The following MARS1 variants were observed in gnomAD, a reference collection of about 807,000 sequenced individuals.
The protein encoded by MARS1 is methionyl-tRNA synthetase 1.
In MARS1, 80 loss-of-function variants were observed where a neutral mutation model predicts 119.5. The observed-to-expected ratio is 0.67, with a 90% CI of 0.56 to 0.81. The LOEUF (loss-of-function observed/expected upper bound fraction) is 0.81. Among genes scored for constraint, MARS1 ranks in the 30% least tolerant of loss-of-function variants. The probability of loss-of-function intolerance (pLI) is 0.00; values close to 1 mark genes in which losing one functional copy is unlikely to be tolerated. For missense variants in MARS1, 945 were observed against 1,116.5 expected (o/e 0.85, Z 2.19); for synonymous variants, 418 against 433.4 (o/e 0.96, Z 0.44).
chr12:57,503,707 A>C (rs1233484629), intron 10 of MARS1, among the ~76,000 whole-genome samples: 1 of 151,886 alleles, frequency 6.6e-6, no homozygotes, highest in African/African-American at 2.4e-5. Flanking sequence ...ATGCCCAGCT[A>C]ATTTTTGTAT....
chr12:57,493,801 TTATATAATG>T (rs1876361729), intron 7 of MARS1, among the ~76,000 whole-genome samples: 1 of 906 alleles, frequency 1.1e-3, no homozygotes, highest in Non-Finnish European at 3.0e-3. Flanking sequence ...ATATATTATA[TTATATAATG>T]TATATTATAT....
chr12:57,515,034 G>T lies in MARS1; in HGVS notation c.2180G>T (p.Arg727Leu), dbSNP rs113808165. Reference sequence around the variant, plus strand: ...ATTCAGGTGAATGAGCCCTGGAAGCGGATTAAAGGCAGTGAGGCTGACAGG... The same window carrying T: ...ATTCAGGTGAATGAGCCCTGGAAGCTGATTAAAGGCAGTGAGGCTGACAGG... ...QYIQVNEPWK[R>L]IKGSEADRQR... The change falls in exon 17 of 21, where the codon CGG becomes CTG. Residue 727 changes from arginine (R) to leucine (L), a missense_variant. Coordinates refer to ENST00000262027, the MANE Select transcript of MARS1 (RefSeq NM_004990.4). 6.2e-7 allele frequency: 1 copy of T among 1,614,060 alleles called. No homozygotes were observed. The highest frequency in any genetic ancestry group is 8.5e-7 in the Non-Finnish European group (1 of 1,180,042).
chr12:57,515,171 T>C lies in MARS1; in HGVS notation c.2226T>C (p.Thr742=), dbSNP rs1300796705. Residue 742 remains threonine, a synonymous_variant, in exon 18 of 21, where the codon ACT becomes ACC. Transcript: ENST00000262027. ...TCAGGCAACGGGCAGGAACAGTGAC[T>C]GGCTTGGCAGTGAATATAGCTGCCT... is the stretch of plus-strand genomic sequence containing the variant. ...EADRQRAGTV[T]GLAVNIAALL... 3 of 1,614,122 alleles carry C rather than the reference T, an allele frequency of 1.9e-6. No individual in the cohort carries two copies. The highest frequency in any genetic ancestry group is 1.7e-5 in the Admixed American group (1 of 60,010).
chr12:57,499,441 A>C (rs1337218699), intron 9 of MARS1, among the ~76,000 whole-genome samples: 1 of 143,922 alleles, frequency 6.9e-6, no homozygotes, highest in Non-Finnish European at 1.5e-5. Context: ...TAAAAATACA[A>C]AAAAAAAAAA....
chr12:57,509,983 A>G (rs1439554625), intron 11 of MARS1, among the ~76,000 whole-genome samples: 1 of 152,080 alleles, frequency 6.6e-6, no homozygotes, highest in Non-Finnish European at 1.5e-5. Context: ...TTCCTCCCCT[A>G]GACTAAGGGT....
At chr12:57,495,241 G>C (rs537169255) in intron 7 of MARS1, among the ~76,000 whole-genome samples, 97 of 151,694 alleles carry the variant, frequency 6.4e-4, no homozygotes, top group African/African-American at 2.3e-3. Flanking sequence ...CTCCCGGACG[G>C]GGCGGCTGGC....
chr12:57,493,573 T>C (rs974409054), intron 7 of MARS1, among the ~76,000 whole-genome samples: 1 of 9,794 alleles, frequency 1.0e-4, no homozygotes, highest in African/African-American at 3.3e-4. Flanking sequence ...TATATTATAA[T>C]ATATAATATA....
Position 57,512,823 on chromosome 12 carries a change from A to G in MARS1, c.1826A>G (p.Asp609Gly). The G allele has an allele frequency of 6.2e-7, 1 of 1,614,208 alleles. No homozygotes were observed. Among genetic ancestry groups the G allele is most frequent in the Non-Finnish European group, 8.5e-7 (1 of 1,180,038 alleles). ...GGAGTGTTTGGGGACATGGCCCAGG[A>G]CACGGGGATCCCTGCTGACATCTGG... ...GVGVFGDMAQDTGIPADIWRF... is the reference protein window; with the variant it reads ...GVGVFGDMAQGTGIPADIWRF... Residue 609 changes from aspartate (D) to glycine (G), a missense_variant, in exon 15 of 21, where the codon GAC (aspartate) becomes GGC (glycine). Asp to Gly is a moderately conservative substitution (Grantham distance 94, BLOSUM62 -1). Transcript: ENST00000262027.
At chr12:57,493,378 T>C (rs1473224500) in intron 7 of MARS1, among the ~76,000 whole-genome samples, 2 of 21,156 alleles carry the variant, frequency 9.5e-5, no homozygotes, top group South Asian at 1.8e-3. Context: ...TAATATATAT[T>C]ATATAATATA....
intron 7 of MARS1, 136 bp downstream of exon 7, chr12:57,490,780 C>CTTTTTTTTTTTTTTTT (rs35674919): frequency 4.2e-6 from 1 of 238,806 alleles, no homozygotes; most frequent in Non-Finnish European, 7.3e-6. Context: ...TCTTACATCT[C>CTTTTTTTTTTTTTTTT]TTTTTTTTTT....
At chr12:57,496,995 C>T (rs948740048) in intron 7 of MARS1, among the ~76,000 whole-genome samples, 3 of 152,058 alleles carry the variant, frequency 2.0e-5, no homozygotes, top group Non-Finnish European at 4.4e-5. Flanking sequence ...GAATGTAATA[C>T]CCTTGGGAGC....
chr12:57,495,128 C>T (rs1449163775), intron 7 of MARS1, among the ~76,000 whole-genome samples: 4 of 148,946 alleles, frequency 2.7e-5, no homozygotes, highest in Non-Finnish European at 4.5e-5. Flanking sequence ...GGCGGCCAGG[C>T]GGAGGCGCCC....
At chr12:57,498,049 G>T in intron 7 of MARS1, 108 bp from the exon 8 acceptor site, 1 of 744,728 alleles carries the variant, frequency 1.3e-6, no homozygotes, top group South Asian at 1.6e-5. Flanking sequence ...AAGTGTACAT[G>T]AACACATGAC....
chr12:57,492,995 C>T lies in MARS1; in HGVS notation c.770+2351C>T, dbSNP rs1876066508. Among the ~76,000 whole-genome samples, 5 of 151,924 alleles carry T rather than the reference C, an allele frequency of 3.3e-5. No individual in the cohort carries two copies. The South Asian group carries it at 1.0e-3, about 31-fold the overall frequency. On this transcript the variant is annotated intron_variant, in intron 7 of 20. Coordinates refer to ENST00000262027, the MANE Select transcript of MARS1 (RefSeq NM_004990.4). ...CATACTGTTCCTTCTCCCTGGAATGCCAGCATCTTACCTGCCTGATGCACA... is the reference window on the plus strand; with the variant it reads ...CATACTGTTCCTTCTCCCTGGAATGTCAGCATCTTACCTGCCTGATGCACA...
chr12:57,492,590 G>C (rs1472075185), intron 7 of MARS1, among the ~76,000 whole-genome samples: 1 of 151,940 alleles, frequency 6.6e-6, no homozygotes, highest in East Asian at 1.9e-4. Flanking sequence ...AGAATCGCTT[G>C]AACCCGGGAG....
chr12:57,501,999 C>T (rs1422440405), intron 10 of MARS1, among the ~76,000 whole-genome samples: 1 of 146,552 alleles, frequency 6.8e-6, no homozygotes, highest in Non-Finnish European at 1.5e-5. Context: ...CCCCCTCCAC[C>T]AAAAAAAAAA....
chr12:57,504,695 A>ATTTTTTTTTTTTTTTTTTTTTTTTTTTTT (rs34351056), intron 11 of MARS1, among the ~76,000 whole-genome samples: 2 of 83,602 alleles, frequency 2.4e-5, no homozygotes, highest in Non-Finnish European at 4.1e-5. Flanking sequence ...TGCCTGACTG[A>ATTTTTTTTTTTTTTTTTTTTTTTTTTTTT]TTTTTTTTTT....
intron 7 of MARS1, 51 bp from the exon 8 acceptor site, chr12:57,498,106 G>A (rs768682116): frequency 2.5e-6 from 3 of 1,208,968 alleles, no homozygotes; most frequent in Non-Finnish European, 3.7e-6. Flanking sequence ...TTTCGTCCCT[G>A]TTGACCCTCA....
At chr12:57,501,557 C>G (rs998895365) in intron 10 of MARS1, among the ~76,000 whole-genome samples, 1 of 151,984 alleles carries the variant, frequency 6.6e-6, no homozygotes. Flanking sequence ...CGGTGGCTCA[C>G]GCCTGTAATC....
Sources: allele counts gnomAD v4.1 joint callset (sites outside exome capture counted in the v4.1 genomes callset), GRCh38; gene constraint gnomAD v4.1.1; transcripts MANE v1.5; gene names NCBI Gene and HGNC (gene_info 2026-07-23, HGNC 2026-07-21).